ENTREP2: variants seen among roughly 807,000 people sequenced by gnomAD.
ENTREP2 encodes endosomal transmembrane epsin interactor 2.
the ENTREP2 span, among the ~76,000 whole-genome samples, chr15:29,381,001 G>A: frequency 1.3e-5 from 2 of 151,484 alleles, no homozygotes; most frequent in Non-Finnish European, 2.9e-5. Flanking sequence ...ACAGACACCC[G>A]CCAACATTCC....
At chr15:29,285,034 T>C in the ENTREP2 span, among the ~76,000 whole-genome samples, 1 of 152,156 alleles carries the variant, frequency 6.6e-6, no homozygotes, top group Non-Finnish European at 1.5e-5. Flanking sequence ...GAAACATGAT[T>C]CCCAGGGTTT....
At chr15:29,551,613 G>A in the ENTREP2 span, among the ~76,000 whole-genome samples, 1 of 151,396 alleles carries the variant, frequency 6.6e-6, no homozygotes, top group African/African-American at 2.4e-5. Context: ...AAACTAAATG[G>A]TTCTTTTCTA....
At chr15:29,316,684 G>C in the ENTREP2 span, among the ~76,000 whole-genome samples, 1 of 152,132 alleles carries the variant, frequency 6.6e-6, no homozygotes, top group Non-Finnish European at 1.5e-5. Flanking sequence ...GGTTCAATAT[G>C]TCATTCTCTT....
At chr15:29,600,898 C>CTTTTTTTTTTTTTTTTTTTTTTTTTTTTT in the ENTREP2 span, among the ~76,000 whole-genome samples, 27 of 125,438 alleles carry the variant, frequency 2.2e-4, 7 homozygotes, top group African/African-American at 7.6e-4. Context: ...TATGATTTTT[C>CTTTTTTTTTTTTTTTTTTTTTTTTTTTTT]TTTCTTTTTT....
chr15:29,645,925 G>C, the ENTREP2 span, among the ~76,000 whole-genome samples: 2 of 152,062 alleles, frequency 1.3e-5, no homozygotes, highest in African/African-American at 2.4e-5. Flanking sequence ...ATTGATTCTG[G>C]GTACTAGAAT....
chr15:29,251,768 C>T, the ENTREP2 span, among the ~76,000 whole-genome samples: 15 of 121,706 alleles, frequency 1.2e-4, no homozygotes, highest in African/African-American at 4.0e-4. Context: ...TTTTTTAGCT[C>T]ATCAGCTATC....
At chr15:29,578,667 G>T in the ENTREP2 span, among the ~76,000 whole-genome samples, 1 of 152,172 alleles carries the variant, frequency 6.6e-6, no homozygotes, top group Admixed American at 6.5e-5. Flanking sequence ...CGCACTTTAT[G>T]AATGCTGGCC....
the ENTREP2 span, chr15:29,196,571 A>G: frequency 1.9e-6 from 3 of 1,547,948 alleles, no homozygotes; most frequent in South Asian, 1.2e-5. Context: ...TAATCTAGAC[A>G]GAGGAACACA....
the ENTREP2 span, chr15:29,376,821 C>T: frequency 6.6e-6 from 1 of 152,266 alleles, no homozygotes; most frequent in African/African-American, 2.4e-5. Flanking sequence ...GGGAGCCCTG[C>T]AGAGGAAAGC....
chr15:29,129,150 G>A, the ENTREP2 span, among the ~76,000 whole-genome samples: 1 of 152,026 alleles, frequency 6.6e-6, no homozygotes, highest in African/African-American at 2.4e-5. Flanking sequence ...TGCAACATCC[G>A]CTGCCCGGAT....
At chr15:29,534,976 T>C in the ENTREP2 span, among the ~76,000 whole-genome samples, 1 of 152,230 alleles carries the variant, frequency 6.6e-6, no homozygotes, top group Non-Finnish European at 1.5e-5. Flanking sequence ...CCAGGCATGG[T>C]GGCTCACGCC....
the ENTREP2 span, among the ~76,000 whole-genome samples, chr15:29,500,624 A>G: frequency 6.6e-6 from 1 of 152,084 alleles, no homozygotes; most frequent in Non-Finnish European, 1.5e-5. Flanking sequence ...GCTCAGAGGG[A>G]AATTTATATC....
the ENTREP2 span, among the ~76,000 whole-genome samples, chr15:29,471,800 C>T: frequency 6.6e-6 from 1 of 152,222 alleles, no homozygotes; most frequent in Non-Finnish European, 1.5e-5. Flanking sequence ...TTTTCTACCT[C>T]ATGCCTTCTT....
the ENTREP2 span, chr15:29,128,665 G>T: frequency 1.3e-6 from 1 of 781,516 alleles, no homozygotes. Flanking sequence ...CTCTTAAAGA[G>T]TAAGAAATGG....
the ENTREP2 span, among the ~76,000 whole-genome samples, chr15:29,196,145 A>G: frequency 1.3e-5 from 2 of 152,194 alleles, no homozygotes; most frequent in Non-Finnish European, 2.9e-5. Context: ...GAATGATCCC[A>G]TCATCATTTG....
the ENTREP2 span, among the ~76,000 whole-genome samples, chr15:29,577,422 C>T: frequency 8.6e-5 from 13 of 151,656 alleles, no homozygotes; most frequent in African/African-American, 2.7e-4. Flanking sequence ...GGCACAAAGA[C>T]GGCTCATTGC....
At chr15:29,272,159 G>T in the ENTREP2 span, among the ~76,000 whole-genome samples, 1 of 152,174 alleles carries the variant, frequency 6.6e-6, no homozygotes, top group African/African-American at 2.4e-5. Flanking sequence ...AAGAATGCAG[G>T]TGAGAAAATG....
At chr15:29,661,767 A>G in the ENTREP2 span, among the ~76,000 whole-genome samples, 3 of 152,180 alleles carry the variant, frequency 2.0e-5, no homozygotes, top group African/African-American at 4.8e-5. Flanking sequence ...CTGTAAGGTC[A>G]TTATTAAAGT....
At chr15:29,308,497 G>A in the ENTREP2 span, among the ~76,000 whole-genome samples, 10 of 152,326 alleles carry the variant, frequency 6.6e-5, no homozygotes, top group Admixed American at 1.3e-4. Flanking sequence ...TGTCCTGGGC[G>A]CCGAGTGGAC....
Sources: allele counts gnomAD v4.1 joint callset (sites outside exome capture counted in the v4.1 genomes callset), GRCh38; gene constraint gnomAD v4.1.1; transcripts MANE v1.5; gene names NCBI Gene and HGNC (gene_info 2026-07-23, HGNC 2026-07-21).